The following TBC1D12 variants were observed in gnomAD, a reference collection of about 807,000 sequenced individuals.
TBC1D12 encodes the protein TBC1 domain family, member 12.
Under a neutral mutation model 86.7 loss-of-function variants are expected in TBC1D12, and 56 were observed. The ratio of observed to expected loss-of-function variants is 0.65; its 90% CI spans 0.52 to 0.81. The LOEUF is 0.81. Among genes scored for constraint, TBC1D12 ranks in the 30% least tolerant of loss-of-function variants. The pLI is 0.00. For synonymous variants in TBC1D12, 421 were observed against 411.7 expected (o/e 1.02, Z -0.27); for missense variants, 1,023 against 1,038.8 (o/e 0.98, Z 0.21).
At chr10:94,457,502 A>G (rs1000335563) in intron 2 of TBC1D12, among the ~76,000 whole-genome samples, 6 of 151,622 alleles carry the variant, frequency 4.0e-5, no homozygotes, top group African/African-American at 1.5e-4. Flanking sequence ...GCATCCTCAA[A>G]CTCTTGGCCT....
intron 1 of TBC1D12, among the ~76,000 whole-genome samples, chr10:94,414,642 C>G (rs955411549): frequency 6.9e-6 from 1 of 145,044 alleles, no homozygotes; most frequent in African/African-American, 2.6e-5. Flanking sequence ...CTCTGTCTCT[C>G]GGTCTGGAGT....
intron 1 of TBC1D12, among the ~76,000 whole-genome samples, chr10:94,409,374 C>CTTTT (rs71306819): frequency 3.2e-5 from 4 of 125,406 alleles, no homozygotes; most frequent in Non-Finnish European, 5.0e-5. Context: ...ATTAAATTAA[C>CTTTT]TTTTTTTTTT....
intron 2 of TBC1D12, among the ~76,000 whole-genome samples, chr10:94,451,635 G>A (rs567773236): frequency 6.6e-6 from 1 of 152,118 alleles, no homozygotes; most frequent in South Asian, 2.1e-4. Flanking sequence ...TCATATGTCT[G>A]GAAATTCCAG....
At chr10:94,465,811 CATACATACACATATACGT>C (rs1299204214) in intron 2 of TBC1D12, among the ~76,000 whole-genome samples, 1 of 139,666 alleles carries the variant, frequency 7.2e-6, no homozygotes, top group Non-Finnish European at 1.6e-5. Flanking sequence ...TACATATACG[CATACATACACATATACGT>C]ATACGCATAC....
At chr10:94,438,844 C>G (rs2055340979) in intron 1 of TBC1D12, among the ~76,000 whole-genome samples, 1 of 151,788 alleles carries the variant, frequency 6.6e-6, no homozygotes, top group African/African-American at 2.4e-5. Flanking sequence ...TGCTCTGTCT[C>G]CCAGGCTGGA....
intron 9 of TBC1D12, among the ~76,000 whole-genome samples, chr10:94,515,430 C>T (rs2056579744): frequency 6.6e-6 from 1 of 151,848 alleles, no homozygotes; most frequent in African/African-American, 2.4e-5. Flanking sequence ...TCACTGCACC[C>T]TCCACCTTCT....
chr10:94,522,375 T>A lies in TBC1D12; in HGVS notation c.1922T>A (p.Phe641Tyr), dbSNP rs777853495. ...MLKYFATFEV[F>Y]FEENLSKLFL... ...AAATATTTTGCAACATTTGAAGTAT[T>A]CTTTGAAGAAAATCTTTCCAAATTA... The change falls in exon 11 of 13, where the codon TTC becomes TAC. Residue 641 changes from phenylalanine to tyrosine, a missense_variant. Coordinates refer to ENST00000225235, the MANE Select transcript of TBC1D12 (RefSeq NM_015188.2). 3.4e-6 allele frequency: 5 copies of A among 1,459,516 alleles called. No individual in the cohort carries two copies. The highest frequency in any genetic ancestry group is 3.7e-6 in the Non-Finnish European group (4 of 1,074,282). The allele number at this position is 1,459,516 out of a possible 1,614,324, so 90.4% of individuals were successfully genotyped here. A position where few individuals can be genotyped will look rare whatever the true frequency, so the allele number is the denominator to read the frequency against.
intron 2 of TBC1D12, among the ~76,000 whole-genome samples, chr10:94,464,443 T>C (rs1355879829): frequency 2.0e-5 from 3 of 152,200 alleles, no homozygotes; most frequent in African/African-American, 7.2e-5. Context: ...TTTTCAAACA[T>C]CTTAGTCTCA....
At chr10:94,463,153 T>A (rs2055754856) in intron 2 of TBC1D12, among the ~76,000 whole-genome samples, 1 of 152,266 alleles carries the variant, frequency 6.6e-6, no homozygotes, top group Non-Finnish European at 1.5e-5. Flanking sequence ...AGAGGTATGT[T>A]ATTTTACTTT....
At chr10:94,521,652 A>G (rs1842157069) in intron 9 of TBC1D12, among the ~76,000 whole-genome samples, 1 of 152,184 alleles carries the variant, frequency 6.6e-6, no homozygotes, top group Admixed American at 6.5e-5. Flanking sequence ...AAGAATTCAG[A>G]CTGAGAGGAA....
chr10:94,404,438 G>C (rs889146270), intron 1 of TBC1D12, among the ~76,000 whole-genome samples: 4 of 151,944 alleles, frequency 2.6e-5, no homozygotes, highest in African/African-American at 9.7e-5. Flanking sequence ...TTGAGGTCAG[G>C]GGTTCGAGAC....
In TBC1D12 at chr10:94,514,993, C is replaced by T. The variant is rs1372179162; in HGVS notation, c.1761+3339C>T. On this transcript the variant is annotated intron_variant, in intron 9 of 12. Transcript: ENST00000225235. Reference sequence around the variant, plus strand: ...CGGGATCTCGGCTCACTGCAAGCTCCGCCTCCCGGGTTCACGCCATTCTCC... The same window carrying T: ...CGGGATCTCGGCTCACTGCAAGCTCTGCCTCCCGGGTTCACGCCATTCTCC... Among the ~76,000 whole-genome samples the T allele has an allele frequency of 5.4e-5, 8 of 147,390 alleles. No homozygotes were observed. The East Asian group carries it at 1.2e-3, about 22-fold the overall frequency.
At chr10:94,492,387 A>G (rs1269405994) in intron 3 of TBC1D12, among the ~76,000 whole-genome samples, 1 of 152,204 alleles carries the variant, frequency 6.6e-6, no homozygotes, top group Non-Finnish European at 1.5e-5. Context: ...AGTTTATTGT[A>G]AAGGTATATC....
At chr10:94,419,725 G>A (rs2055049951) in intron 1 of TBC1D12, among the ~76,000 whole-genome samples, 1 of 152,062 alleles carries the variant, frequency 6.6e-6, no homozygotes, top group African/African-American at 2.4e-5. Flanking sequence ...GCTTTTGATA[G>A]GAACAGTCAT....
At chr10:94,420,362 A>G (rs181583706) in intron 1 of TBC1D12, among the ~76,000 whole-genome samples, 9 of 152,360 alleles carry the variant, frequency 5.9e-5, no homozygotes, top group African/African-American at 1.4e-4. Context: ...TACCAAGTCG[A>G]TGATATTTTG....
At chr10:94,483,942 G>T (rs2056119987) in intron 3 of TBC1D12, among the ~76,000 whole-genome samples, 1 of 146,534 alleles carries the variant, frequency 6.8e-6, no homozygotes, top group Admixed American at 6.7e-5. Flanking sequence ...AATGTATTTT[G>T]ATTTGATTTT....
intron 2 of TBC1D12, among the ~76,000 whole-genome samples, chr10:94,468,767 C>T (rs749572291): frequency 4.6e-5 from 7 of 152,128 alleles, no homozygotes; most frequent in Non-Finnish European, 8.8e-5. Flanking sequence ...TGTTCTCCCT[C>T]GTACCAACAC....
intron 3 of TBC1D12, among the ~76,000 whole-genome samples, chr10:94,479,000 A>G (rs1034480775): frequency 8.5e-5 from 13 of 152,322 alleles, no homozygotes; most frequent in South Asian, 2.1e-4. Flanking sequence ...TGTTTCTCCA[A>G]TGATAAAATG....
chr10:94,517,502 T>G (rs1842030510), intron 9 of TBC1D12, among the ~76,000 whole-genome samples: 1 of 152,188 alleles, frequency 6.6e-6, no homozygotes, highest in Non-Finnish European at 1.5e-5. Flanking sequence ...TTAGAATATG[T>G]TTTAAATATT....
Sources: gnomAD v4.1 joint callset for allele counts (sites outside exome capture counted in the v4.1 genomes callset) on GRCh38, gnomAD v4.1.1 for gene constraint, MANE v1.5 for transcripts, NCBI Gene and HGNC (gene_info 2026-07-23, HGNC 2026-07-21) for gene names.